PRKACB: variants seen among roughly 807,000 people sequenced by gnomAD.
The protein encoded by PRKACB is protein kinase cAMP-activated catalytic subunit beta.
In PRKACB, 16 loss-of-function variants were observed where a neutral mutation model predicts 51.4. That is an observed-to-expected ratio of 0.31 (90% confidence interval 0.21 to 0.47). The LOEUF is 0.47. Ranked by LOEUF, PRKACB falls within the 20% of genes least tolerant of loss-of-function variation. The pLI, the probability that PRKACB is intolerant of heterozygous loss-of-function variation, is 1.00. For synonymous variants in PRKACB, 147 were observed against 154.4 expected, an observed-to-expected ratio of 0.95 and a Z score of 0.35; for missense variants, 309 against 464.5, an observed-to-expected ratio of 0.67 and a Z score of 3.08.
chr1:84,173,971 A>G (rs182631978), intron 1 of PRKACB, among the ~76,000 whole-genome samples: 1 of 151,890 alleles, frequency 6.6e-6, no homozygotes, highest in East Asian at 1.9e-4. Context: ...TCTAATCCTC[A>G]TCATCCCTCA....
chr1:84,201,983 C>T lies in PRKACB; in HGVS notation c.784-700C>T, dbSNP rs578196547. Among the ~76,000 whole-genome samples, 8 of 152,108 alleles carry T rather than the reference C, an allele frequency of 5.3e-5. No homozygotes were observed. The South Asian group carries it at 6.2e-4, about 12-fold the overall frequency. ...TGGTTTGCAAAGCACTTTTTACACA[C>T]GTTACTCCCTTTCATTTGATACAGT... On this transcript the variant is annotated intron_variant, in intron 7 of 9. Transcript: ENST00000370685.
intron 9 of PRKACB, among the ~76,000 whole-genome samples, chr1:84,228,832 T>C (rs913781564): frequency 6.6e-6 from 1 of 152,158 alleles, no homozygotes; most frequent in Non-Finnish European, 1.5e-5. Context: ...TAGGAAAAGA[T>C]AAGGTCTTAA....
intron 1 of PRKACB, among the ~76,000 whole-genome samples, chr1:84,136,123 T>C (rs1004762016): frequency 6.6e-6 from 1 of 152,062 alleles, no homozygotes; most frequent in African/African-American, 2.4e-5. Context: ...TGAAAAACTT[T>C]ATGCCCCAAA....
chr1:84,152,366 G>T (rs1479151471), intron 1 of PRKACB, among the ~76,000 whole-genome samples: 1 of 152,172 alleles, frequency 6.6e-6, no homozygotes, highest in African/African-American at 2.4e-5. Context: ...GAAGTCACCA[G>T]ATGTATTAGC....
At chr1:84,169,339 CAAG>C (rs899758845) in intron 1 of PRKACB, among the ~76,000 whole-genome samples, 2 of 151,354 alleles carry the variant, frequency 1.3e-5, no homozygotes, top group African/African-American at 4.8e-5. Flanking sequence ...AAAGATAAAA[CAAG>C]AACCTAGAAT....
At chr1:84,224,371 C>T (rs1400965142) in intron 9 of PRKACB, among the ~76,000 whole-genome samples, 1 of 152,232 alleles carries the variant, frequency 6.6e-6, no homozygotes, top group Non-Finnish European at 1.5e-5. Context: ...TCCTGTGCAG[C>T]ATGTGTGGCA....
chr1:84,231,431 C>T (rs1675633125), intron 9 of PRKACB, among the ~76,000 whole-genome samples: 1 of 152,152 alleles, frequency 6.6e-6, no homozygotes, highest in Non-Finnish European at 1.5e-5. Context: ...TGATGCTGGC[C>T]TCATAAAATG....
intron 1 of PRKACB, among the ~76,000 whole-genome samples, chr1:84,110,819 G>A (rs915770481): frequency 5.3e-5 from 8 of 151,878 alleles, no homozygotes; most frequent in Non-Finnish European, 1.0e-4. Context: ...GGAAATTATC[G>A]TTTCCTGAAT....
chr1:84,192,805 T>C (rs1234747070), intron 5 of PRKACB, among the ~76,000 whole-genome samples: 2 of 152,188 alleles, frequency 1.3e-5, no homozygotes, highest in Admixed American at 6.6e-5. Flanking sequence ...CGTTTGAACA[T>C]GTTACCAGCT....
intron 1 of PRKACB, among the ~76,000 whole-genome samples, chr1:84,089,600 A>G (rs994050570): frequency 6.6e-5 from 10 of 152,108 alleles, no homozygotes; most frequent in African/African-American, 2.4e-4. Flanking sequence ...ATGTTTCTCT[A>G]TACTCTAAGC....
chr1:84,090,438 TATGAA>T (rs1468142263), intron 1 of PRKACB, among the ~76,000 whole-genome samples: 1 of 152,204 alleles, frequency 6.6e-6, no homozygotes, highest in African/African-American at 2.4e-5. Flanking sequence ...TTATTTTACT[TATGAA>T]AGTAAGTAAT....
chr1:84,226,598 T>C (rs183701360), intron 9 of PRKACB, among the ~76,000 whole-genome samples: 2 of 152,314 alleles, frequency 1.3e-5, no homozygotes, highest in East Asian at 3.9e-4. Context: ...AATTCTGTTA[T>C]TGATTTCCAC....
At chr1:84,108,237 A>G (rs534890023) in intron 1 of PRKACB, among the ~76,000 whole-genome samples, 1 of 152,042 alleles carries the variant, frequency 6.6e-6, no homozygotes, top group Admixed American at 6.6e-5. Flanking sequence ...AAAACCAACT[A>G]TCACATGTTC....
At chr1:84,122,526 T>C (rs765451519) in intron 1 of PRKACB, among the ~76,000 whole-genome samples, 1 of 152,266 alleles carries the variant, frequency 6.6e-6, no homozygotes, top group African/African-American at 2.4e-5. Flanking sequence ...AGTGTCTAAA[T>C]TGCATTAAAC....
Position 84,087,349 on chromosome 1 carries a change from T to C in PRKACB, c.46+8978T>C, listed in dbSNP as rs536043144. ...CCTAAACTTGAAACACTAGAACTCA[T>C]GGACTATTCTTCCAAACTTATAAAA... On this transcript the variant is annotated intron_variant, in intron 1 of 8. Coordinates refer to the PRKACB transcript ENST00000370688. 2.6e-5 allele frequency among the ~76,000 whole-genome samples: 4 copies of C among 151,966 alleles called. No homozygotes were observed. The South Asian group carries it at 8.3e-4, about 32-fold the overall frequency.
chr1:84,122,483 A>G (rs1414224975), intron 1 of PRKACB, among the ~76,000 whole-genome samples: 2 of 152,198 alleles, frequency 1.3e-5, no homozygotes, highest in Non-Finnish European at 2.9e-5. Flanking sequence ...TAATAGAAGA[A>G]TCATATGGCT....
At chr1:84,164,379 A>G in intron 1 of PRKACB, 1 of 1,568,352 alleles carries the variant, frequency 6.4e-7, no homozygotes, top group Non-Finnish European at 8.7e-7. Flanking sequence ...TTTAGGTGCA[A>G]TCATTCTGCT....
At chr1:84,196,069 T>C (rs569560799) in intron 5 of PRKACB, among the ~76,000 whole-genome samples, 20 of 152,346 alleles carry the variant, frequency 1.3e-4, no homozygotes, top group African/African-American at 4.3e-4. Flanking sequence ...TTCATTATTC[T>C]TCATCAATAT....
chr1:84,151,343 A>T (rs576425487), intron 1 of PRKACB, among the ~76,000 whole-genome samples: 1 of 152,076 alleles, frequency 6.6e-6, no homozygotes, highest in Non-Finnish European at 1.5e-5. Flanking sequence ...AGCATTTCCC[A>T]ATTTTTTTGC....
Sources: gnomAD v4.1 joint callset for allele counts (sites outside exome capture counted in the v4.1 genomes callset) on GRCh38, gnomAD v4.1.1 for gene constraint, MANE v1.5 for transcripts, NCBI Gene and HGNC (gene_info 2026-07-23, HGNC 2026-07-21) for gene names.